The following XXYLT1 variants were observed in gnomAD, a reference collection of about 807,000 sequenced individuals.
XXYLT1 encodes the protein xyloside xylosyltransferase 1.
XXYLT1 carries 20 observed loss-of-function variants against 28.9 expected under a neutral mutation model. That is an observed-to-expected ratio of 0.69 (90% CI 0.49 to 1.00). The LOEUF is 1.00. Among genes scored for constraint, XXYLT1 ranks in the 50% least tolerant of loss-of-function variants. XXYLT1 has a pLI of 0.00. For synonymous variants in XXYLT1, 257 were observed against 253.8 expected (o/e 1.01, Z -0.12); for missense variants, 542 against 560.1 (o/e 0.97, Z 0.33).
intron 1 of XXYLT1, among the ~76,000 whole-genome samples, chr3:195,249,690 T>C (rs944036871): frequency 2.0e-5 from 3 of 152,202 alleles, no homozygotes; most frequent in African/African-American, 7.2e-5. Context: ...CTCGCTTCAC[T>C]TGTCCTATTT....
intron 2 of XXYLT1, among the ~76,000 whole-genome samples, chr3:195,199,484 G>A (rs1229733036): frequency 6.6e-5 from 10 of 151,984 alleles, no homozygotes; most frequent in Middle Eastern, 3.2e-3. Flanking sequence ...GGTGGTGGGC[G>A]CCTGTAGTCC....
At chr3:195,248,547 A>G (rs953810927) in intron 1 of XXYLT1, among the ~76,000 whole-genome samples, 5 of 152,204 alleles carry the variant, frequency 3.3e-5, no homozygotes, top group African/African-American at 1.2e-4. Context: ...CATGTAAGAC[A>G]TGACTCACTC....
intron 2 of XXYLT1, among the ~76,000 whole-genome samples, chr3:195,217,798 A>T (rs1336969856): frequency 6.7e-6 from 1 of 150,084 alleles, no homozygotes; most frequent in Admixed American, 6.6e-5. Flanking sequence ...TTCTTCACAG[A>T]ATTGGAAAAA....
intron 1 of XXYLT1, chr3:195,247,957 A>G: frequency 3.5e-6 from 2 of 564,800 alleles, no homozygotes; most frequent in South Asian, 4.1e-5. Flanking sequence ...CCTGTGGTCC[A>G]ATCACCTCCC....
chr3:195,141,191 G>A (rs1719469848), intron 3 of XXYLT1, among the ~76,000 whole-genome samples: 1 of 152,196 alleles, frequency 6.6e-6, no homozygotes, highest in Non-Finnish European at 1.5e-5. Context: ...CCTGAACTAA[G>A]ACACTTGGTA....
intron 2 of XXYLT1, among the ~76,000 whole-genome samples, chr3:195,179,869 A>G (rs1429746987): frequency 1.3e-5 from 2 of 152,230 alleles, no homozygotes; most frequent in East Asian, 3.8e-4. Context: ...TTGAGCCAGG[A>G]AACCTGCCCT....
At chr3:195,253,951 G>T (rs765070569) in intron 1 of XXYLT1, among the ~76,000 whole-genome samples, 7 of 152,202 alleles carry the variant, frequency 4.6e-5, no homozygotes, top group Non-Finnish European at 7.3e-5. Context: ...CTTCCCTCAA[G>T]TGAGTTTTAA....
At chr3:195,179,959 C>G (rs1430642507) in intron 2 of XXYLT1, among the ~76,000 whole-genome samples, 1 of 152,186 alleles carries the variant, frequency 6.6e-6, no homozygotes, top group African/African-American at 2.4e-5. Context: ...TTCCTCCTCT[C>G]CCTCCCACTG....
At chr3:195,214,653 G>C (rs1347393819) in intron 2 of XXYLT1, 1 of 152,150 alleles carries the variant, frequency 6.6e-6, no homozygotes, top group Non-Finnish European at 1.5e-5. Context: ...CAGGGGCAGA[G>C]AACAGGCTGC....
chr3:195,263,369 G>A (rs866050141), intron 1 of XXYLT1, among the ~76,000 whole-genome samples: 50 of 152,180 alleles, frequency 3.3e-4, no homozygotes, highest in African/African-American at 1.2e-3. Context: ...TGTGAGCCCC[G>A]GTGACGTTGC....
chr3:195,153,361 C>T lies in XXYLT1; in HGVS notation c.785+3088G>A, dbSNP rs140900904. Among the ~76,000 whole-genome samples, 311 of 152,312 alleles carry T rather than the reference C, an allele frequency of 2.0e-3. 7 individuals are homozygous for T. The highest frequency in any genetic ancestry group is 5.1e-3 in the African/African-American group (211 of 41,568). On this transcript the variant is annotated intron_variant, in intron 3 of 3. Coordinates refer to ENST00000310380, the MANE Select transcript of XXYLT1 (RefSeq NM_152531.5). Reference sequence around the variant, plus strand: ...ACTGCAAACGTTACAAGGCAATTCCCCAGAGCCAGCGGGGCACGCGGCAGG... The same window carrying T: ...ACTGCAAACGTTACAAGGCAATTCCTCAGAGCCAGCGGGGCACGCGGCAGG...
intron 3 of XXYLT1, among the ~76,000 whole-genome samples, chr3:195,140,694 G>C (rs966112102): frequency 6.6e-6 from 1 of 151,974 alleles, no homozygotes; most frequent in African/African-American, 2.4e-5. Flanking sequence ...CACAAGAAGG[G>C]GGAAGCACTA....
chr3:195,201,950 G>A (rs900099597), intron 2 of XXYLT1, among the ~76,000 whole-genome samples: 1 of 152,186 alleles, frequency 6.6e-6, no homozygotes, highest in Non-Finnish European at 1.5e-5. Context: ...AGGCCAAGGT[G>A]GGCGGATCAT....
chr3:195,124,161 G>A lies in XXYLT1; in HGVS notation c.785+32288C>T, dbSNP rs1216386220. On this transcript the variant is annotated intron_variant, in intron 3 of 3. Transcript: ENST00000310380. The surrounding 1 kb of genome is among the most constrained non-coding windows in gnomAD (Gnocchi z 4.1). ...TGGTGTTCCATGGAACTCACCTCGA[G>A]AAGTGTGGGTCTAGACCACAGCCCT... 6.6e-6 allele frequency among the ~76,000 whole-genome samples: 1 copy of A among 152,234 alleles called. No homozygotes were observed. The highest frequency in any genetic ancestry group is 2.4e-5 in the African/African-American group (1 of 41,456).
intron 2 of XXYLT1, among the ~76,000 whole-genome samples, chr3:195,201,898 G>T (rs1300854831): frequency 1.3e-5 from 2 of 152,178 alleles, no homozygotes; most frequent in Non-Finnish European, 2.9e-5. Flanking sequence ...ACTAGACAGG[G>T]CCGGGCGCGG....
At chr3:195,081,327 C>G (rs1299899911) in intron 3 of XXYLT1, among the ~76,000 whole-genome samples, 1 of 152,096 alleles carries the variant, frequency 6.6e-6, no homozygotes, top group East Asian at 1.9e-4. Context: ...GCAAAGTATA[C>G]ACAGGTTCTA....
At chr3:195,193,959 A>G (rs1433673025) in intron 2 of XXYLT1, among the ~76,000 whole-genome samples, 1 of 152,104 alleles carries the variant, frequency 6.6e-6, no homozygotes, top group African/African-American at 2.4e-5. Context: ...CTAGAAAACA[A>G]ATGTTGCAGG....
chr3:195,149,849 C>T (rs116324748), intron 3 of XXYLT1, among the ~76,000 whole-genome samples: 178 of 152,204 alleles, frequency 1.2e-3, no homozygotes, highest in African/African-American at 4.1e-3. Flanking sequence ...TGGTAATTTC[C>T]GCAGAAGCGG....
Position 195,202,203 on chromosome 3 carries a change from C to T in XXYLT1, c.652+24506G>A, listed in dbSNP as rs182761526. Among the ~76,000 whole-genome samples the T allele has an allele frequency of 2.9e-3, 436 of 152,088 alleles. 2 individuals are homozygous for T. The highest frequency in any genetic ancestry group is 0.01 in the African/African-American group (422 of 41,498). Reference sequence around the variant, plus strand: ...AAAAAAAAGAGTAGACAAGGACTGACGGAGGCCAACTTCAGACTTGGTCTC... The same window carrying T: ...AAAAAAAAGAGTAGACAAGGACTGATGGAGGCCAACTTCAGACTTGGTCTC... On this transcript the variant is annotated intron_variant, in intron 2 of 3. Transcript: ENST00000310380.
Sources: allele counts gnomAD v4.1 joint callset (sites outside exome capture counted in the v4.1 genomes callset), GRCh38; gene constraint gnomAD v4.1.1; non-coding constraint Gnocchi (gnomAD v3.1); transcripts MANE v1.5; gene names NCBI Gene and HGNC (gene_info 2026-07-23, HGNC 2026-07-21).